Variants in GMDS observed in about 807,000 individuals in gnomAD.
GMDS encodes GDP-mannose 4,6 dehydratase.
A neutral mutation model predicts 49.9 loss-of-function variants in GMDS; 20 were observed. The ratio of observed to expected loss-of-function variants is 0.40; its 90% CI spans 0.28 to 0.58. GMDS has a LOEUF of 0.58. Among genes scored for constraint, GMDS ranks in the 20% least tolerant of loss-of-function variants. GMDS has a pLI of 0.42. For missense variants in GMDS, 362 were observed against 481.4 expected (o/e 0.75, Z 2.32); for synonymous variants, 177 against 178.6 (o/e 0.99, Z 0.07).
At chr6:1,801,371 A>T (rs1769943032) in intron 7 of GMDS, among the ~76,000 whole-genome samples, 1 of 152,222 alleles carries the variant, frequency 6.6e-6, no homozygotes, top group African/African-American at 2.4e-5. Context: ...CAAGCTGCCA[A>T]TCCTGGTAGC....
At chr6:1,629,967 G>A (rs1762951291) in intron 9 of GMDS, among the ~76,000 whole-genome samples, 1 of 152,172 alleles carries the variant, frequency 6.6e-6, no homozygotes, top group South Asian at 2.1e-4. Flanking sequence ...ATGCCTACTT[G>A]TCAATAAAGC....
At chr6:1,755,118 A>G (rs9503018) in intron 7 of GMDS, among the ~76,000 whole-genome samples, 62,242 of 152,038 alleles carry the variant, frequency 0.41, 13,443 homozygotes, top group East Asian at 0.59. Context: ...ACATGATTGT[A>G]TATTTAGAAA....
chr6:2,051,675 T>G (rs939349797), intron 4 of GMDS, among the ~76,000 whole-genome samples: 1 of 152,202 alleles, frequency 6.6e-6, no homozygotes, highest in Non-Finnish European at 1.5e-5. Context: ...TATTCCCTAT[T>G]TTTGTATTCT....
At chr6:1,782,961 C>T (rs1474779729) in intron 7 of GMDS, among the ~76,000 whole-genome samples, 1 of 151,886 alleles carries the variant, frequency 6.6e-6, no homozygotes, top group East Asian at 1.9e-4. Context: ...TGAGACCAGC[C>T]TGGGCAACAT....
intron 7 of GMDS, among the ~76,000 whole-genome samples, chr6:1,923,805 T>C (rs1376476046): frequency 1.3e-5 from 2 of 152,202 alleles, no homozygotes; most frequent in Non-Finnish European, 2.9e-5. Context: ...GTCTCTTCCT[T>C]CCAGATTTGT....
At chr6:2,082,472 T>G (rs948181390) in intron 4 of GMDS, among the ~76,000 whole-genome samples, 1 of 152,214 alleles carries the variant, frequency 6.6e-6, no homozygotes, top group Non-Finnish European at 1.5e-5. Flanking sequence ...ATTGCAGGCA[T>G]GGGCTCCTAT....
intron 8 of GMDS, among the ~76,000 whole-genome samples, chr6:1,737,581 A>G (rs1767049185): frequency 1.3e-5 from 2 of 149,264 alleles, no homozygotes; most frequent in Admixed American, 1.3e-4. Context: ...ACACACAAAA[A>G]TACACACACA....
intron 4 of GMDS, among the ~76,000 whole-genome samples, chr6:2,095,551 T>C (rs542666713): frequency 6.6e-6 from 1 of 152,310 alleles, no homozygotes; most frequent in South Asian, 2.1e-4. Context: ...GAGTCATAGT[T>C]TAATCAGAAG....
chr6:2,075,184 A>G (rs1446777204), intron 4 of GMDS, among the ~76,000 whole-genome samples: 1 of 152,002 alleles, frequency 6.6e-6, no homozygotes, highest in Non-Finnish European at 1.5e-5. Context: ...TGACATTGCT[A>G]TTTTGATAGG....
chr6:1,877,644 TAA>T lies in GMDS; in HGVS notation c.771+52457_771+52458del, dbSNP rs60037634. ...CAGAGTGAGACCCCATCTCAAAAAT[TAA>T]AAAAAAAAAAAAAAAAAAAAAGACA... On this transcript the variant is annotated intron_variant, in intron 7 of 10. Coordinates refer to ENST00000380815, the MANE Select transcript of GMDS (RefSeq NM_001500.4). Among the ~76,000 whole-genome samples the T allele has an allele frequency of 3.2e-3, 290 of 90,532 alleles. 1 individual carries two copies. The highest frequency in any genetic ancestry group is 0.016 in the Middle Eastern group (2 of 124). 59.4% of individuals were successfully genotyped at this position (90,532 alleles called of 152,430 possible).
Position 1,624,557 on chromosome 6 carries a change from G to T in GMDS, c.988-17C>A. The T allele has an allele frequency of 6.2e-7, 1 of 1,605,086 alleles. No individual in the cohort carries two copies. Among genetic ancestry groups the T allele is most frequent in the Non-Finnish European group, 8.5e-7 (1 of 1,172,238 alleles). Reference sequence around the variant, plus strand: ...CAGAAAGTCCTAGGGAAGAAGAGGGGGAGACGAAGCAGGCGTGGGTCGTGG... The same window carrying T: ...CAGAAAGTCCTAGGGAAGAAGAGGGTGAGACGAAGCAGGCGTGGGTCGTGG... On this transcript the variant is annotated splice_polypyrimidine_tract_variant and intron_variant, in intron 9 of 10. Transcript: ENST00000380815.
At chr6:1,907,130 C>G (rs1021387682) in intron 7 of GMDS, among the ~76,000 whole-genome samples, 1 of 152,130 alleles carries the variant, frequency 6.6e-6, no homozygotes, top group Admixed American at 6.6e-5. Context: ...TTTGCTGTTT[C>G]GCATGTGTAA....
intron 7 of GMDS, among the ~76,000 whole-genome samples, chr6:1,783,870 G>A (rs750492387): frequency 9.9e-5 from 15 of 152,202 alleles, no homozygotes; most frequent in South Asian, 4.2e-4. Flanking sequence ...ACAACATTGC[G>A]ATGTGAAGGT....
chr6:2,170,811 C>T (rs1428988641), intron 1 of GMDS, among the ~76,000 whole-genome samples: 1 of 151,958 alleles, frequency 6.6e-6, no homozygotes, highest in East Asian at 1.9e-4. Flanking sequence ...CTGACTAACA[C>T]GGTGAAACCC....
intron 7 of GMDS, among the ~76,000 whole-genome samples, chr6:1,890,049 T>C (rs1474718659): frequency 2.0e-5 from 3 of 152,178 alleles, no homozygotes; most frequent in East Asian, 3.8e-4. Context: ...TTTTTGGCTA[T>C]TGTGAATAAT....
At chr6:1,990,262 C>T (rs1232391514) in intron 4 of GMDS, among the ~76,000 whole-genome samples, 1 of 152,170 alleles carries the variant, frequency 6.6e-6, no homozygotes, top group Non-Finnish European at 1.5e-5. Flanking sequence ...CACCACTGCA[C>T]TCCAGCCTGG....
chr6:1,656,054 T>C (rs559525605), intron 9 of GMDS, among the ~76,000 whole-genome samples: 18 of 152,338 alleles, frequency 1.2e-4, no homozygotes, highest in Admixed American at 6.5e-4. Flanking sequence ...GTGGAGCTGA[T>C]GCTGGAACCC....
chr6:2,070,701 G>A (rs1234650616), intron 4 of GMDS, among the ~76,000 whole-genome samples: 1 of 152,110 alleles, frequency 6.6e-6, no homozygotes, highest in East Asian at 1.9e-4. Context: ...CAGTGCACTT[G>A]ACCTCACTGA....
chr6:2,196,356 A>C (rs1306175464), intron 1 of GMDS, among the ~76,000 whole-genome samples: 1 of 152,232 alleles, frequency 6.6e-6, no homozygotes, highest in Non-Finnish European at 1.5e-5. Flanking sequence ...TGGTGCCAAG[A>C]CCAGAAAGAG....
Sources: allele counts gnomAD v4.1 joint callset (sites outside exome capture counted in the v4.1 genomes callset), GRCh38; gene constraint gnomAD v4.1.1; transcripts MANE v1.5; gene names NCBI Gene and HGNC (gene_info 2026-07-23, HGNC 2026-07-21).